Variants in SLIT3 observed in about 807,000 individuals in gnomAD.
The protein encoded by SLIT3 is slit homolog 3 protein.
SLIT3 carries 68 observed loss-of-function variants against 184.0 expected under a neutral mutation model. That is an observed-to-expected ratio of 0.37 (90% CI 0.30 to 0.45). The LOEUF (loss-of-function observed/expected upper bound fraction) is 0.45. Among genes scored for constraint, SLIT3 ranks in the 20% least tolerant of loss-of-function variants. The pLI is 1.00. For missense variants in SLIT3, 1,707 were observed against 2,026.0 expected (o/e 0.84, Z 3.02); for synonymous variants, 831 against 828.6 (o/e 1.00, Z -0.05).
chr5:169,111,840 C>T (rs1467904393), intron 4 of SLIT3, among the ~76,000 whole-genome samples: 1 of 152,200 alleles, frequency 6.6e-6, no homozygotes, highest in African/African-American at 2.4e-5. Context: ...GTTTCGGACT[C>T]TGGGTCTAGG....
At chr5:169,245,241 C>T (rs1765547892) in intron 2 of SLIT3, among the ~76,000 whole-genome samples, 3 of 152,046 alleles carry the variant, frequency 2.0e-5, no homozygotes. Context: ...AGAAAACCAG[C>T]CTGGTCCCAG....
rs139012995 is a variant in SLIT3 at position 168,917,033 on chromosome 5, C to T, written c.414-33697G>A. Among the ~76,000 whole-genome samples the T allele has an allele frequency of 2.6e-5, 4 of 152,278 alleles. No homozygotes were observed. The East Asian group carries it at 7.7e-4, about 29-fold the overall frequency. On this transcript the variant is annotated intron_variant, in intron 4 of 35. Coordinates refer to ENST00000519560, the MANE Select transcript of SLIT3 (RefSeq NM_003062.4). ...TGTCATACAACATGACTAATATGTT[C>T]AGCTTCAGAGGTACAAAGGAGACGG...
At chr5:168,793,243 C>T (rs1441536401) in intron 10 of SLIT3, among the ~76,000 whole-genome samples, 1 of 152,132 alleles carries the variant, frequency 6.6e-6, no homozygotes, top group African/African-American at 2.4e-5. Context: ...CCCCCCTCCC[C>T]TTTTTTCTTT....
chr5:169,105,753 T>C (rs1013706522), intron 4 of SLIT3, among the ~76,000 whole-genome samples: 11 of 152,348 alleles, frequency 7.2e-5, no homozygotes, highest in African/African-American at 2.4e-4. Flanking sequence ...TATGGCTTCC[T>C]GTTCCATCCA....
chr5:168,773,378 C>T (rs1459523060), intron 13 of SLIT3, among the ~76,000 whole-genome samples: 2 of 152,126 alleles, frequency 1.3e-5, no homozygotes, highest in Non-Finnish European at 2.9e-5. Context: ...TATATAGTAG[C>T]GGGTATTGTT....
chr5:168,734,114 C>T (rs1420859243), intron 20 of SLIT3, among the ~76,000 whole-genome samples: 2 of 152,126 alleles, frequency 1.3e-5, no homozygotes, highest in Non-Finnish European at 2.9e-5. Flanking sequence ...CACTAAAAGC[C>T]CAGACTTTAC....
At chr5:169,257,336 G>C (rs1411548271) in intron 1 of SLIT3, among the ~76,000 whole-genome samples, 1 of 151,656 alleles carries the variant, frequency 6.6e-6, no homozygotes, top group South Asian at 2.1e-4. Context: ...ATGAAACAGA[G>C]GCCTCTCCTC....
chr5:168,831,556 G>A (rs1045548972), intron 6 of SLIT3, among the ~76,000 whole-genome samples: 3 of 152,190 alleles, frequency 2.0e-5, no homozygotes, highest in Admixed American at 6.5e-5. Context: ...ATTCACTGAC[G>A]TATAGCAGTC....
At chr5:169,014,730 C>G (rs142753275) in intron 4 of SLIT3, among the ~76,000 whole-genome samples, 2,366 of 152,292 alleles carry the variant, frequency 0.016, 62 homozygotes, top group African/African-American at 0.054. Context: ...GCAGGTGGAT[C>G]ATCTGAGGTC....
Position 168,818,578 on chromosome 5 carries a change from C to T in SLIT3, c.630-1115G>A, listed in dbSNP as rs116058039. Among the ~76,000 whole-genome samples, 873 of 152,308 alleles carry T rather than the reference C, an allele frequency of 5.7e-3. 6 individuals are homozygous for T. Among genetic ancestry groups the T allele is most frequent in the African/African-American group, 0.02 (835 of 41,556 alleles). On this transcript the variant is annotated intron_variant, in intron 7 of 35. Transcript: ENST00000519560. ...GTCATGTACTTGCATTTCGGATGCACATTTTAAATGCCTAAATCCTGGACA... is the reference window on the plus strand; with the variant it reads ...GTCATGTACTTGCATTTCGGATGCATATTTTAAATGCCTAAATCCTGGACA...
intron 8 of SLIT3, among the ~76,000 whole-genome samples, chr5:168,807,590 AT>A (rs1425782546): frequency 6.6e-6 from 1 of 152,060 alleles, no homozygotes; most frequent in East Asian, 1.9e-4. Context: ...GGTTATTTCA[AT>A]GTCTTTCCAG....
intron 5 of SLIT3, among the ~76,000 whole-genome samples, chr5:168,847,364 C>A (rs951121792): frequency 1.3e-5 from 2 of 152,154 alleles, no homozygotes; most frequent in Admixed American, 1.3e-4. Flanking sequence ...ATATTCCAAC[C>A]ATGATGGTCA....
chr5:168,991,803 AC>A (rs1755341146), intron 4 of SLIT3, among the ~76,000 whole-genome samples: 1 of 152,034 alleles, frequency 6.6e-6, no homozygotes, highest in Non-Finnish European at 1.5e-5. Context: ...ATACAGAAAA[AC>A]AGCCCAGACT....
intron 14 of SLIT3, among the ~76,000 whole-genome samples, chr5:168,766,127 C>T (rs1197240432): frequency 6.6e-6 from 1 of 152,178 alleles, no homozygotes; most frequent in Non-Finnish European, 1.5e-5. Context: ...TGGCTGCTGC[C>T]ATCAACGGTA....
At chr5:168,843,967 C>T (rs1361589132) in intron 6 of SLIT3, among the ~76,000 whole-genome samples, 3 of 151,976 alleles carry the variant, frequency 2.0e-5, no homozygotes, top group Non-Finnish European at 4.4e-5. Context: ...CTCATCTCCC[C>T]CTATTTCCTG....
At chr5:169,269,818 A>G (rs1343976011) in intron 1 of SLIT3, among the ~76,000 whole-genome samples, 1 of 152,204 alleles carries the variant, frequency 6.6e-6, no homozygotes, top group Non-Finnish European at 1.5e-5. Context: ...CCATGAAACC[A>G]TATCTTGCTT....
At chr5:169,217,183 G>C (rs1329612589) in intron 3 of SLIT3, among the ~76,000 whole-genome samples, 2 of 151,642 alleles carry the variant, frequency 1.3e-5, no homozygotes, top group Admixed American at 1.3e-4. Flanking sequence ...CCCAGCCTTG[G>C]GGAGCTAAAC....
intron 20 of SLIT3, among the ~76,000 whole-genome samples, chr5:168,727,903 G>A (rs1322864217): frequency 6.6e-6 from 1 of 152,202 alleles, no homozygotes; most frequent in Non-Finnish European, 1.5e-5. Context: ...TGTGGACAGT[G>A]TGGCTATGGG....
chr5:169,234,265 C>T (rs1220549617), intron 3 of SLIT3, among the ~76,000 whole-genome samples: 1 of 152,078 alleles, frequency 6.6e-6, no homozygotes, highest in African/African-American at 2.4e-5. Flanking sequence ...TATGGAGGGT[C>T]ATGAAGGGCA....
Sources: gnomAD v4.1 joint callset for allele counts (sites outside exome capture counted in the v4.1 genomes callset) on GRCh38, gnomAD v4.1.1 for gene constraint, MANE v1.5 for transcripts, NCBI Gene and HGNC (gene_info 2026-07-23, HGNC 2026-07-21) for gene names.